Variants in GPC5 observed in about 807,000 individuals in gnomAD.
GPC5 encodes glypican 5, also known as glypican-5.
In GPC5, 47 loss-of-function variants were observed where a neutral mutation model predicts 53.9. The observed-to-expected ratio is 0.87, with a 90% CI of 0.69 to 1.11. The LOEUF is 1.11. GPC5 is among the 50% of genes most tolerant of loss of function. GPC5 has a pLI of 0.00. For missense variants in GPC5, 748 were observed against 713.1 expected, an observed-to-expected ratio of 1.05 and a Z score of -0.56; for synonymous variants, 286 against 263.3, an observed-to-expected ratio of 1.09 and a Z score of -0.84.
chr13:92,794,196 G>C (rs188203773), intron 7 of GPC5, among the ~76,000 whole-genome samples: 1 of 152,006 alleles, frequency 6.6e-6, no homozygotes, highest in Non-Finnish European at 1.5e-5. Context: ...TTATCAAGTC[G>C]GTTTCATCCC....
chr13:91,993,392 A>G (rs556788516), intron 6 of GPC5, among the ~76,000 whole-genome samples: 3 of 151,772 alleles, frequency 2.0e-5, no homozygotes, highest in Non-Finnish European at 2.9e-5. Flanking sequence ...ACCCTGAATT[A>G]TGGTTCTTTT....
intron 6 of GPC5, among the ~76,000 whole-genome samples, chr13:92,098,445 G>A (rs572343773): frequency 6.6e-6 from 1 of 152,222 alleles, no homozygotes; most frequent in African/African-American, 2.4e-5. Context: ...TTTTTGAGCT[G>A]ATCAAAATGT....
intron 7 of GPC5, among the ~76,000 whole-genome samples, chr13:92,444,461 T>C (rs1877709497): frequency 6.6e-6 from 1 of 152,110 alleles, no homozygotes; most frequent in African/African-American, 2.4e-5. Context: ...CCTGCTGGAA[T>C]GATTGATGTT....
intron 7 of GPC5, among the ~76,000 whole-genome samples, chr13:92,595,507 G>A (rs931349452): frequency 4.6e-5 from 7 of 152,006 alleles, no homozygotes; most frequent in African/African-American, 1.7e-4. Flanking sequence ...GGTGGCTCAC[G>A]CCTGTAATCC....
intron 7 of GPC5, among the ~76,000 whole-genome samples, chr13:92,788,981 G>A (rs1225136538): frequency 6.6e-6 from 1 of 152,104 alleles, no homozygotes; most frequent in Admixed American, 6.5e-5. Context: ...TCAATATTGG[G>A]TAGGAAAAGT....
rs551016371 is a variant in GPC5, at chr13:92,636,704, T to C, written c.1562-229578T>C. Among the ~76,000 whole-genome samples, 192 of 152,298 alleles carry C rather than the reference T, an allele frequency of 1.3e-3. 1 individual carries two copies. The highest frequency in any genetic ancestry group is 2.1e-3 in the Non-Finnish European group (144 of 68,018). On this transcript the variant is annotated intron_variant, in intron 7 of 7. Transcript: ENST00000377067. ...TCCTGTATTCCACACGAATGGAAGG[T>C]ACTGCATCTTATTTATCCTTCACTT... is the stretch of plus-strand genomic sequence containing the variant.
rs113364729 is a variant in GPC5 at position 92,132,030 on chromosome 13, A to G, written c.1402-12800A>G. ...AACAGTTCAATTGTCCACCAAGGGC[A>G]GAATGTAAACATATTTTATTGGATC... On this transcript the variant is annotated intron_variant, in intron 6 of 7. Transcript: ENST00000377067. 9.2e-3 allele frequency among the ~76,000 whole-genome samples: 1,405 copies of G among 152,278 alleles called. 28 individuals carry two copies. Among genetic ancestry groups the G allele is most frequent in the African/African-American group, 0.033 (1,353 of 41,562 alleles).
intron 5 of GPC5, among the ~76,000 whole-genome samples, chr13:91,866,623 G>A (rs1266484210): frequency 6.6e-6 from 1 of 152,074 alleles, no homozygotes; most frequent in Non-Finnish European, 1.5e-5. Flanking sequence ...GCAGATACTA[G>A]TGCCATATTT....
intron 5 of GPC5, among the ~76,000 whole-genome samples, chr13:91,775,134 G>A (rs368496252): frequency 6.6e-6 from 1 of 152,264 alleles, no homozygotes; most frequent in African/African-American, 2.4e-5. Flanking sequence ...CAGGAGATGG[G>A]AGCAAAGGAG....
intron 6 of GPC5, among the ~76,000 whole-genome samples, chr13:92,087,546 CTT>C (rs2041345337): frequency 6.6e-6 from 1 of 152,146 alleles, no homozygotes; most frequent in Non-Finnish European, 1.5e-5. Flanking sequence ...GACATATTCT[CTT>C]TAATGAAAAT....
chr13:92,111,817 T>C (rs1185345688), intron 6 of GPC5, among the ~76,000 whole-genome samples: 2 of 152,156 alleles, frequency 1.3e-5, no homozygotes, highest in Non-Finnish European at 2.9e-5. Context: ...ACATAAAGAA[T>C]CTTGTCCAGC....
chr13:91,449,898 A>G (rs1169850613), intron 2 of GPC5, among the ~76,000 whole-genome samples: 1 of 152,152 alleles, frequency 6.6e-6, no homozygotes, highest in African/African-American at 2.4e-5. Context: ...AAATATCTAG[A>G]TTATACAGCT....
intron 7 of GPC5, among the ~76,000 whole-genome samples, chr13:92,473,606 A>G (rs1311511780): frequency 1.3e-5 from 2 of 152,160 alleles, no homozygotes; most frequent in African/African-American, 4.8e-5. Context: ...TATACTTTCA[A>G]ATTTCAAACA....
At chr13:92,761,820 C>T (rs148378948) in intron 7 of GPC5, among the ~76,000 whole-genome samples, 15 of 152,004 alleles carry the variant, frequency 9.9e-5, no homozygotes, top group South Asian at 4.2e-4. Flanking sequence ...TCTTTATCTC[C>T]GAGATTTGGT....
chr13:92,506,371 A>T (rs1880368922), intron 7 of GPC5, among the ~76,000 whole-genome samples: 1 of 152,174 alleles, frequency 6.6e-6, no homozygotes, highest in South Asian at 2.1e-4. Context: ...TTGATTAGAA[A>T]TAAGAAAAAC....
intron 5 of GPC5, among the ~76,000 whole-genome samples, chr13:91,847,344 CTTTA>C (rs781032394): frequency 8.6e-5 from 13 of 150,514 alleles, no homozygotes; most frequent in Non-Finnish European, 1.8e-4. Flanking sequence ...CTATATGTAT[CTTTA>C]TTATAATTGT....
chr13:91,464,929 G>C (rs72640390), intron 2 of GPC5, among the ~76,000 whole-genome samples: 5 of 152,040 alleles, frequency 3.3e-5, no homozygotes, highest in Non-Finnish European at 7.4e-5. Flanking sequence ...TTCCCCTGGG[G>C]GAGGCTGAGT....
chr13:92,597,263 T>C (rs1333222779), intron 7 of GPC5, among the ~76,000 whole-genome samples: 1 of 123,636 alleles, frequency 8.1e-6, no homozygotes, highest in South Asian at 2.2e-4. Context: ...AATGCCAGGA[T>C]TTTTTTTTTT....
At chr13:92,489,168 A>G (rs1354017806) in intron 7 of GPC5, among the ~76,000 whole-genome samples, 1 of 152,220 alleles carries the variant, frequency 6.6e-6, no homozygotes, top group African/African-American at 2.4e-5. Context: ...CTAAACTCTG[A>G]TGAAATGACA....
Sources: gnomAD v4.1 joint callset for allele counts (sites outside exome capture counted in the v4.1 genomes callset) on GRCh38, gnomAD v4.1.1 for gene constraint, MANE v1.5 for transcripts, NCBI Gene and HGNC (gene_info 2026-07-23, HGNC 2026-07-21) for gene names.